Variants in ACOXL observed in about 807,000 individuals in gnomAD.
ACOXL encodes acyl-CoA oxidase like.
In ACOXL, 70 loss-of-function variants were observed where a neutral mutation model predicts 71.9. The ratio of observed to expected loss-of-function variants is 0.97; its 90% CI spans 0.80 to 1.19. The LOEUF is 1.19. Ranked by LOEUF, ACOXL falls within the 50% of genes most tolerant of loss-of-function variation. ACOXL has a pLI of 0.00. For synonymous variants in ACOXL, 253 were observed against 281.6 expected, an observed-to-expected ratio of 0.90 and a Z score of 1.02; for missense variants, 703 against 736.3, an observed-to-expected ratio of 0.95 and a Z score of 0.52.
At chr2:111,044,257 A>G (rs929416905) in intron 15 of ACOXL, among the ~76,000 whole-genome samples, 5 of 152,226 alleles carry the variant, frequency 3.3e-5, no homozygotes, top group African/African-American at 1.2e-4. Context: ...CATCCCTGCA[A>G]TCAGCTGCCC....
At chr2:110,815,449 A>T (rs992425844) in intron 9 of ACOXL, among the ~76,000 whole-genome samples, 1 of 152,112 alleles carries the variant, frequency 6.6e-6, no homozygotes, top group Non-Finnish European at 1.5e-5. Flanking sequence ...CCTCTATCTG[A>T]TGCTTGTTGG....
At chr2:110,773,518 G>A (rs953923778) in intron 2 of ACOXL, among the ~76,000 whole-genome samples, 1 of 152,168 alleles carries the variant, frequency 6.6e-6, no homozygotes, top group Non-Finnish European at 1.5e-5. Flanking sequence ...TCCAGTGCCA[G>A]CCCCAGCGAG....
chr2:110,814,258 G>A (rs1687668437), intron 9 of ACOXL, among the ~76,000 whole-genome samples: 1 of 152,120 alleles, frequency 6.6e-6, no homozygotes, highest in African/African-American at 2.4e-5. Flanking sequence ...AATTTTTAGT[G>A]GCACTGCCGA....
chr2:110,790,700 CAGG>C (rs776189710), intron 3 of ACOXL, among the ~76,000 whole-genome samples: 6 of 152,174 alleles, frequency 3.9e-5, no homozygotes, highest in Non-Finnish European at 7.3e-5. Context: ...GGTAGTCTGA[CAGG>C]AGAACCACAG....
chr2:110,870,111 C>T (rs966391632), intron 10 of ACOXL, among the ~76,000 whole-genome samples: 1 of 152,180 alleles, frequency 6.6e-6, no homozygotes, highest in Admixed American at 6.5e-5. Flanking sequence ...GGGCTGTTCC[C>T]TTGGTTTTCT....
chr2:110,752,787 C>T (rs1383225172), intron 1 of ACOXL, among the ~76,000 whole-genome samples: 3 of 152,050 alleles, frequency 2.0e-5, no homozygotes, highest in South Asian at 2.1e-4. Flanking sequence ...ACAAATTACT[C>T]CAAAATTTAG....
chr2:110,988,330 G>C (rs932322905), intron 13 of ACOXL, among the ~76,000 whole-genome samples: 1 of 152,022 alleles, frequency 6.6e-6, no homozygotes, highest in Non-Finnish European at 1.5e-5. Context: ...GGTCCCAGCT[G>C]CTTGGGAGGC....
At chr2:111,012,173 A>G (rs769957242) in intron 14 of ACOXL, among the ~76,000 whole-genome samples, 117 of 152,302 alleles carry the variant, frequency 7.7e-4, no homozygotes, top group Non-Finnish European at 1.4e-3. Context: ...TACAAATTAA[A>G]AGTTAGTGGG....
At chr2:110,872,235 G>C (rs191591583) in intron 10 of ACOXL, among the ~76,000 whole-genome samples, 261 of 152,304 alleles carry the variant, frequency 1.7e-3, no homozygotes, top group Admixed American at 3.1e-3. Flanking sequence ...GATAAGCCTG[G>C]AACTGGTGTA....
At chr2:110,901,683 C>T (rs755803896) in intron 10 of ACOXL, among the ~76,000 whole-genome samples, 1 of 151,752 alleles carries the variant, frequency 6.6e-6, no homozygotes, top group Non-Finnish European at 1.5e-5. Context: ...CATATACACT[C>T]ACTTACACAC....
chr2:110,957,296 T>G (rs1233706956), intron 12 of ACOXL, among the ~76,000 whole-genome samples: 1 of 152,052 alleles, frequency 6.6e-6, no homozygotes, highest in Non-Finnish European at 1.5e-5. Context: ...GTGGCTTGAG[T>G]TGATGGCTTA....
intron 14 of ACOXL, among the ~76,000 whole-genome samples, chr2:111,007,800 C>T (rs963467278): frequency 1.2e-4 from 19 of 152,196 alleles, no homozygotes; most frequent in African/African-American, 4.6e-4. Context: ...TATTAACTCA[C>T]GCATTTGCAC....
intron 9 of ACOXL, among the ~76,000 whole-genome samples, chr2:110,830,822 C>A (rs906982372): frequency 2.0e-5 from 3 of 152,092 alleles, no homozygotes; most frequent in African/African-American, 7.2e-5. Flanking sequence ...CGTGAGCCAC[C>A]GCGCCTGGCC....
intron 10 of ACOXL, among the ~76,000 whole-genome samples, chr2:110,885,446 T>C (rs1295613057): frequency 6.6e-6 from 1 of 152,238 alleles, no homozygotes; most frequent in Non-Finnish European, 1.5e-5. Flanking sequence ...TGTTTTTGTT[T>C]AGTCACCACT....
intron 11 of ACOXL, among the ~76,000 whole-genome samples, chr2:110,922,258 G>A (rs948545314): frequency 6.6e-6 from 1 of 152,086 alleles, no homozygotes; most frequent in Non-Finnish European, 1.5e-5. Context: ...TAGCTTCCTA[G>A]CATGACCTGG....
In ACOXL at chr2:111,105,066, A is replaced by G. The variant is rs555179300; in HGVS notation, c.1542+12100A>G. On this transcript the variant is annotated intron_variant, in intron 17 of 17. Coordinates refer to ENST00000439055, the MANE Select transcript of ACOXL (RefSeq NM_001142807.4). ...TGGTTTTTTTGTGTACCAATGTCCA[A>G]TTGCTCCAATACTAGTAGTTGAAAA... 6.6e-5 allele frequency among the ~76,000 whole-genome samples: 10 copies of G among 152,170 alleles called. No homozygotes were observed. In the East Asian group the frequency reaches 1.7e-3, roughly 26 times the overall value.
At chr2:110,805,535 T>A in intron 9 of ACOXL, 140 bp downstream of exon 9, 1 of 1,216,122 alleles carries the variant, frequency 8.2e-7, no homozygotes, top group Non-Finnish European at 1.1e-6. Context: ...TGCTGGGGAG[T>A]GCCAGGTGGC....
intron 15 of ACOXL, among the ~76,000 whole-genome samples, chr2:111,033,581 T>C (rs1474673149): frequency 2.6e-5 from 4 of 152,220 alleles, no homozygotes; most frequent in African/African-American, 9.6e-5. Flanking sequence ...TCTACTTCCC[T>C]GGACTATCTC....
chr2:110,763,443 C>A (rs1432450936), intron 1 of ACOXL, among the ~76,000 whole-genome samples: 1 of 152,164 alleles, frequency 6.6e-6, no homozygotes, highest in Non-Finnish European at 1.5e-5. Context: ...GAAAAGATAG[C>A]TTTTTCTACC....
Sources: allele counts gnomAD v4.1 joint callset (sites outside exome capture counted in the v4.1 genomes callset), GRCh38; gene constraint gnomAD v4.1.1; transcripts MANE v1.5; gene names NCBI Gene and HGNC (gene_info 2026-07-23, HGNC 2026-07-21).